Variants in REV1 observed in about 807,000 individuals in gnomAD.
REV1 encodes the protein REV1 DNA directed polymerase.
REV1 carries 42 observed loss-of-function variants against 137.4 expected under a neutral mutation model. The ratio of observed to expected loss-of-function variants is 0.31; its 90% confidence interval spans 0.24 to 0.40. The LOEUF is 0.40. Ranked by LOEUF, REV1 falls within the 10% of genes least tolerant of loss-of-function variation. The pLI is 1.00. For synonymous variants in REV1, 524 were observed against 519.2 expected (o/e 1.01, Z -0.12); for missense variants, 1,282 against 1,490.1 (o/e 0.86, Z 2.30).
chr2:99,474,827 G>A (rs758401698), intron 1 of REV1, among the ~76,000 whole-genome samples: 6 of 152,126 alleles, frequency 3.9e-5, no homozygotes, highest in South Asian at 2.1e-4. Flanking sequence ...ACTTGAACGC[G>A]GTAGGCAGAG....
intron 10 of REV1, among the ~76,000 whole-genome samples, chr2:99,423,147 T>TTC (rs1301406473): frequency 5.9e-5 from 9 of 152,122 alleles, no homozygotes; most frequent in Non-Finnish European, 1.2e-4. Context: ...CCTTCACATT[T>TTC]TCTCTCTCTC....
Position 99,445,969 on chromosome 2 carries a change from A to T in REV1, c.350+3367T>A, listed in dbSNP as rs372545854. On this transcript the variant is annotated intron_variant, in intron 4 of 22. Coordinates refer to ENST00000258428, the MANE Select transcript of REV1 (RefSeq NM_016316.4). ...GTATGTAACGTTTATTAAATAGCTA[A>T]TACATGTTAAAATTTTTAAGTATAA... is the stretch of plus-strand genomic sequence containing the variant. Among the ~76,000 whole-genome samples the T allele has an allele frequency of 5.9e-5, 9 of 152,384 alleles. No homozygotes were observed. In the East Asian group the frequency reaches 1.5e-3, roughly 26 times the overall value.
chr2:99,442,270 A>C lies in REV1; in HGVS notation c.503+47T>G, dbSNP rs557738902. The C allele has an allele frequency of 1.5e-4, 226 of 1,459,010 alleles. 1 individual carries two copies. The South Asian group carries it at 2.4e-3, about 15-fold the overall frequency. 90.4% of individuals were successfully genotyped at this position (1,459,010 alleles called of 1,614,324 possible). ...TCCATCTCAAAAAAAAAAAAAAAAA[A>C]AAAAAACCAACCAGCTTTGCAGTAA... On this transcript the variant is annotated intron_variant, in intron 5 of 22. Transcript: ENST00000258428.
Position 99,462,576 on chromosome 2 carries a change from C to G in REV1, c.101G>C (p.Arg34Pro). 1 of 1,613,230 alleles carries G rather than the reference C, an allele frequency of 6.2e-7. No individual in the cohort carries two copies. Among genetic ancestry groups the G allele is most frequent in the Non-Finnish European group, 8.5e-7 (1 of 1,179,742 alleles). The change falls in exon 3 of 23, where the codon CGA (arginine) becomes CCA (proline). Residue 34 changes from arginine to proline, a missense_variant. Physicochemically the swap from Arg to Pro is moderately radical, Grantham distance 103 (BLOSUM62 -2). This residue lies in a region of REV1 where 107 missense variants were observed against 164.3 expected (regional missense o/e 0.65). Coordinates refer to ENST00000258428, the MANE Select transcript of REV1 (RefSeq NM_016316.4). ...AKVQKLEEQF[R>P]SDAAMQKDGT... is the part of the protein sequence containing the mutation. ...ATCCTTCTGCATAGCAGCATCTGATCGAAACTGTTCCTCCAATTTCTGGAC... is the reference window on the plus strand; with the variant it reads ...ATCCTTCTGCATAGCAGCATCTGATGGAAACTGTTCCTCCAATTTCTGGAC...
upstream of REV1, chr2:99,490,076 G>C (rs1425797803): frequency 6.7e-6 from 1 of 148,188 alleles, no homozygotes; most frequent in Non-Finnish European, 1.5e-5. Flanking sequence ...AGCGTTCCGC[G>C]CGCGCTCCCC....
rs1400975246 is a variant in REV1, at chr2:99,434,577, TAAA to T, written c.1322-132_1322-130del. The T allele has an allele frequency of 7.2e-5, 35 of 486,900 alleles. No homozygotes were observed. The South Asian group carries it at 1.2e-3, about 17-fold the overall frequency. The allele number at this position is 486,900 out of a possible 1,614,324, so 30.2% of individuals were successfully genotyped here. On this transcript the variant is annotated intron_variant, in intron 7 of 22. Coordinates refer to ENST00000258428, the MANE Select transcript of REV1 (RefSeq NM_016316.4). ...TTAGCTTTACTTAGACATTAATCCT[TAAA>T]GAAGCTAATACTTTAAAGATTATCA...
intron 1 of REV1, among the ~76,000 whole-genome samples, chr2:99,474,131 C>T (rs1295799932): frequency 3.3e-5 from 5 of 152,144 alleles, no homozygotes; most frequent in African/African-American, 9.7e-5. Context: ...TAATTTTTAA[C>T]ATTCAAATTT....
At chr2:99,435,998 C>T in intron 6 of REV1, 57 bp from the exon 7 acceptor site, 1 of 961,758 alleles carries the variant, frequency 1.0e-6, no homozygotes, top group Non-Finnish European at 1.7e-6. Context: ...TTTAAAACAT[C>T]AGGTCTAGTT....
intron 12 of REV1, among the ~76,000 whole-genome samples, chr2:99,417,433 C>T (rs1231708630): frequency 6.6e-6 from 1 of 152,152 alleles, no homozygotes; most frequent in East Asian, 1.9e-4. Context: ...TGTGAGTCAC[C>T]ATGCCCGGCC....
intron 1 of REV1, among the ~76,000 whole-genome samples, chr2:99,479,112 G>A (rs1051182864): frequency 2.6e-5 from 4 of 151,768 alleles, no homozygotes; most frequent in African/African-American, 7.3e-5. Context: ...GGCGGATCAC[G>A]AGGTCAGGAG....
chr2:99,424,489 G>T, intron 9 of REV1: 3 of 564,446 alleles, frequency 5.3e-6, no homozygotes, highest in Non-Finnish European at 9.1e-6. Context: ...GACACATGTA[G>T]ATGTGCCAAC....
Position 99,459,655 on chromosome 2 carries a change from G to A in REV1, c.181+2841C>T, listed in dbSNP as rs116232834. 2.6e-3 allele frequency among the ~76,000 whole-genome samples: 394 copies of A among 152,236 alleles called. 1 individual carries two copies. Among genetic ancestry groups the A allele is most frequent in the African/African-American group, 8.9e-3 (368 of 41,540 alleles). ...TGGGATGTTGAAGCTGCAGTGAGCC[G>A]TGATAGTGCCACTGCACTACAGCCT... On this transcript the variant is annotated intron_variant, in intron 3 of 22. Transcript: ENST00000258428.
Position 99,439,095 on chromosome 2 carries a change from T to A in REV1, c.719A>T (p.Asp240Val). The A allele has an allele frequency of 2.5e-6, 4 of 1,614,116 alleles. No individual in the cohort carries two copies. Among genetic ancestry groups the A allele is most frequent in the Non-Finnish European group, 3.4e-6 (4 of 1,180,010 alleles). Reference protein sequence around the residue: ...PSSNGALKTQDCLVPMVNSVA... With the variant: ...PSSNGALKTQVCLVPMVNSVA... ...ACTGTTGACCATGGGCACCAAGCAA[T>A]CCTGTGTCTTTAAGGCACCATTAGA... The change falls in exon 6 of 23, where the codon GAT becomes GTT. Residue 240 changes from aspartate to valine, a missense_variant. This residue lies in a region of REV1 where 432 missense variants were observed against 438.0 expected (regional missense o/e 0.99). Coordinates refer to ENST00000258428, the MANE Select transcript of REV1 (RefSeq NM_016316.4).
rs755184253 is a variant in REV1, at chr2:99,416,912, C to CAAAAAAAAA, written c.1951+1907_1951+1915dup. 2.1e-3 allele frequency among the ~76,000 whole-genome samples: 164 copies of CAAAAAAAAA among 77,758 alleles called. 2 individuals carry two copies. The highest frequency in any genetic ancestry group is 7.8e-3 in the Middle Eastern group (1 of 128). The allele number at this position is 77,758 out of a possible 152,430, so 51.0% of individuals were successfully genotyped here. On this transcript the variant is annotated intron_variant, in intron 12 of 22. Transcript: ENST00000258428. ...TGGGCAACAGAGCAAGACTCCATCT[C>CAAAAAAAAA]AAAAAAAAAAAAAAAAAAAAAGAAA...
chr2:99,475,305 TGGA>T (rs1685848636), intron 1 of REV1, among the ~76,000 whole-genome samples: 1 of 151,958 alleles, frequency 6.6e-6, no homozygotes, highest in Non-Finnish European at 1.5e-5. Context: ...GAGGCAAAGG[TGGA>T]GGAGAACAAA....
At chr2:99,480,116 C>T (rs151210394) in intron 1 of REV1, among the ~76,000 whole-genome samples, 160 of 152,204 alleles carry the variant, frequency 1.1e-3, no homozygotes, top group African/African-American at 3.3e-3. Flanking sequence ...CCCAGGAATT[C>T]GAGATCAGCC....
Position 99,439,225 on chromosome 2 carries a change from C to T in REV1, c.589G>A (p.Asp197Asn). 6.2e-7 allele frequency: 1 copy of T among 1,614,124 alleles called. No homozygotes were observed. The highest frequency in any genetic ancestry group is 8.5e-7 in the Non-Finnish European group (1 of 1,179,988). The change falls in exon 6 of 23, where the codon GAT becomes AAT. Residue 197 changes from aspartate (D) to asparagine (N), a missense_variant. Transcript: ENST00000258428. ...NSWNEEDENN[D>N]FSFVDLEQTS... ...TGCTCCAGATCCACAAAACTAAAAT[C>T]ATTATTTTCATCTTCTTCATTCCAA... is the stretch of plus-strand genomic sequence containing the variant.
chr2:99,459,020 A>G (rs1293124795), intron 3 of REV1, among the ~76,000 whole-genome samples: 3 of 152,094 alleles, frequency 2.0e-5, no homozygotes, highest in Non-Finnish European at 4.4e-5. Flanking sequence ...CATACTGGCT[A>G]ACACGGTGAA....
At chr2:99,490,093 G>GCCCACGCCCCCTCCGCGGCCCCA (rs1687561690), upstream of REV1, 1 of 141,146 alleles carries the variant, frequency 7.1e-6, no homozygotes, top group African/African-American at 2.6e-5. Context: ...CCCCGGCCCC[G>GCCCACGCCCCCTCCGCGGCCCCA]CTCGCGCTCA....
Sources: gnomAD v4.1 joint callset for allele counts (sites outside exome capture counted in the v4.1 genomes callset) on GRCh38, gnomAD v4.1.1 for gene constraint, gnomAD v4.1.1 regional missense constraint, MANE v1.5 for transcripts, NCBI Gene and HGNC (gene_info 2026-07-23, HGNC 2026-07-21) for gene names.